The following ZC4H2 variants were observed in gnomAD, a reference collection of about 807,000 sequenced individuals.
ZC4H2 encodes zinc finger C4H2-type containing.
For synonymous variants in ZC4H2, 84 were observed against 66.3 expected (o/e 1.27, Z -1.30); for missense variants, 137 against 173.9 (o/e 0.79, Z 1.19).
chrX:64,918,855 G>A (rs892848944), intron 4 of ZC4H2, 187 bp downstream of exon 4: 2 of 426,029 alleles, frequency 4.7e-6, no homozygotes, highest in African/African-American at 2.6e-5. Context: ...GGAACATGGG[G>A]CAACAAAACC....
intron 1 of ZC4H2, among the ~76,000 whole-genome samples, chrX:64,942,489 A>ACC (rs1930335361): frequency 2.3e-5 from 1 of 43,617 alleles, no homozygotes; most frequent in African/African-American, 8.6e-5. Flanking sequence ...TTGCCCCCCC[A>ACC]CCCCCCAACA....
intron 1 of ZC4H2, among the ~76,000 whole-genome samples, chrX:64,984,558 G>A (rs1932142985): frequency 9.0e-6 from 1 of 111,126 alleles, no homozygotes; most frequent in South Asian, 3.8e-4. Context: ...TACTTCTCTG[G>A]GTGGCCCAGC....
intron 1 of ZC4H2, among the ~76,000 whole-genome samples, chrX:65,011,968 C>A (rs1245031108): frequency 9.1e-6 from 1 of 109,756 alleles, no homozygotes; most frequent in Non-Finnish European, 1.9e-5. Context: ...CCTGCCTCAG[C>A]CTCCCAAAGT....
At position 64,952,785 on chromosome X, in the gene ZC4H2, C is replaced by T. The variant is rs1219521602; in HGVS notation, c.53+23540G>A. The stretch of plus-strand genomic sequence containing the variant: ...TTCAATGTCATCCCCATCAAGTTAC[C>T]AATGACTTTCTTCACAGAATTGGAA... On this transcript the variant is annotated intron_variant, in intron 1 of 4. Coordinates refer to ENST00000374839, the MANE Select transcript of ZC4H2 (RefSeq NM_018684.4). Among the ~76,000 whole-genome samples, 23 of 109,606 alleles carry T rather than the reference C, an allele frequency of 2.1e-4. No individual in the cohort carries two copies. The Admixed American group carries it at 2.2e-3, about 11-fold the overall frequency.
At chrX:64,959,160 A>C (rs369385074) in intron 1 of ZC4H2, among the ~76,000 whole-genome samples, 3 of 109,742 alleles carry the variant, frequency 2.7e-5, no homozygotes, top group African/African-American at 1.0e-4. Context: ...AAATGTGTAC[A>C]CAACAGTGGG....
chrX:65,006,407 T>C (rs1932659843), intron 1 of ZC4H2, among the ~76,000 whole-genome samples: 1 of 110,959 alleles, frequency 9.0e-6, no homozygotes, highest in Non-Finnish European at 1.9e-5. Flanking sequence ...ATGTCCTTTG[T>C]AGGGACATGG....
At position 64,982,373 on chromosome X, in the gene ZC4H2, C is replaced by T. The variant is rs930940134; in HGVS notation, c.-272+52256G>A. Among the ~76,000 whole-genome samples, 3 of 111,956 alleles carry T rather than the reference C, an allele frequency of 2.7e-5. No homozygotes were observed. The Admixed American group carries it at 2.8e-4, about 11-fold the overall frequency. The stretch of plus-strand genomic sequence containing the variant: ...AACTACTCATAGGGCCCTTGTCCCC[C>T]TCACAGAGCTGTTTAATGATTAAAT... On this transcript the variant is annotated intron_variant, in intron 1 of 4. Coordinates refer to the ZC4H2 transcript ENST00000337990.
At chrX:64,970,284 A>G (rs190698596) in intron 1 of ZC4H2, among the ~76,000 whole-genome samples, 52 of 112,045 alleles carry the variant, frequency 4.6e-4, no homozygotes, top group African/African-American at 1.6e-3. Context: ...TCTCAATACC[A>G]AATGCCAACA....
intron 1 of ZC4H2, among the ~76,000 whole-genome samples, chrX:65,007,787 C>T (rs1438190605): frequency 8.9e-6 from 1 of 111,813 alleles, no homozygotes; most frequent in Non-Finnish European, 1.9e-5. Flanking sequence ...TATCTCTCAC[C>T]ATATACAAGA....
chrX:64,944,172 G>A lies in ZC4H2; in HGVS notation c.54-22184C>T, dbSNP rs1487411603. On this transcript the variant is annotated intron_variant, in intron 1 of 4. Coordinates refer to ENST00000374839, the MANE Select transcript of ZC4H2 (RefSeq NM_018684.4). ...TTTTTTTTTTTTGAGATGGAGTCTC[G>A]CTCTGTTGCCCAGGCTGGAGTGCAG... is the stretch of plus-strand genomic sequence containing the variant. Among the ~76,000 whole-genome samples, 4 of 89,517 alleles carry A rather than the reference G, an allele frequency of 4.5e-5. No homozygotes were observed. The East Asian group carries it at 1.0e-3, about 23-fold the overall frequency. The allele number at this position is 89,517 out of a possible 115,157, so 77.7% of individuals were successfully genotyped here.
intron 1 of ZC4H2, among the ~76,000 whole-genome samples, chrX:65,015,926 T>C (rs1320914136): frequency 9.0e-6 from 1 of 110,876 alleles, no homozygotes; most frequent in Non-Finnish European, 1.9e-5. Context: ...CCCTCTATTA[T>C]GCAGAACACT....
At chrX:65,011,721 TTTG>T (rs1158004515) in intron 1 of ZC4H2, among the ~76,000 whole-genome samples, 5 of 108,899 alleles carry the variant, frequency 4.6e-5, no homozygotes, top group South Asian at 8.2e-4. Context: ...TGTATTTTTT[TTTG>T]TTGTTGTTGT....
chrX:64,946,342 T>C (rs150962191), intron 1 of ZC4H2, among the ~76,000 whole-genome samples: 101 of 111,095 alleles, frequency 9.1e-4, no homozygotes, highest in African/African-American at 3.0e-3. Flanking sequence ...TTCCCTTGGC[T>C]AGAACAGGGA....
rs1014990768 is a variant in ZC4H2 at position 64,943,655 on chromosome X, C to CT, written c.54-21668dup. 2.0e-3 allele frequency among the ~76,000 whole-genome samples: 218 copies of CT among 109,237 alleles called. 1 individual carries two copies. The highest frequency in any genetic ancestry group is 4.7e-3 in the Middle Eastern group (1 of 214). 94.9% of individuals were successfully genotyped at this position (109,237 alleles called of 115,157 possible). A position where few individuals can be genotyped will look rare whatever the true frequency, so the allele number is the denominator to read the frequency against. ...TCAGAAACTAGGATTGCAGCCCCTG[C>CT]TTTTTTTTTGCTTTCCATTTGCTTG... On this transcript the variant is annotated intron_variant, in intron 1 of 4. Transcript: ENST00000374839.
At position 64,917,739 on chromosome X, in the gene ZC4H2, G is replaced by T; in HGVS notation, c.*44C>A. 8.4e-7 allele frequency: 1 copy of T among 1,190,851 alleles called. No individual in the cohort carries two copies. The highest frequency in any genetic ancestry group is 1.8e-5 in the South Asian group (1 of 54,228). On this transcript the variant is annotated 3_prime_UTR_variant, in exon 5 of 5. Coordinates refer to ENST00000374839, the MANE Select transcript of ZC4H2 (RefSeq NM_018684.4). ...CAGGACATCAATGACTCTGGTCAAG[G>T]TGAGGGGTTATAATTAGCAAAGCTT... is the stretch of plus-strand genomic sequence containing the variant.
chrX:64,986,537 G>A lies in ZC4H2; in HGVS notation c.-272+48092C>T, dbSNP rs762765667. On this transcript the variant is annotated intron_variant, in intron 1 of 4. Transcript: ENST00000337990. Reference sequence around the variant, plus strand: ...GTTCAGGAAGCCAGTGGAGTATGACGTAAATTAGTAGGGGCATCCCAAGAG... The same window carrying A: ...GTTCAGGAAGCCAGTGGAGTATGACATAAATTAGTAGGGGCATCCCAAGAG... Among the ~76,000 whole-genome samples the A allele has an allele frequency of 7.1e-5, 8 of 112,042 alleles. No homozygotes were observed. In the South Asian group the frequency reaches 2.3e-3, roughly 32 times the overall value.
At chrX:64,947,990 T>C (rs1442493788) in intron 1 of ZC4H2, among the ~76,000 whole-genome samples, 1 of 111,661 alleles carries the variant, frequency 9.0e-6, no homozygotes, top group African/African-American at 3.3e-5. Context: ...GCTGATTTTT[T>C]TCTTTTAACA....
intron 1 of ZC4H2, among the ~76,000 whole-genome samples, chrX:64,948,397 G>A (rs992748390): frequency 8.1e-5 from 9 of 111,477 alleles, no homozygotes; most frequent in Non-Finnish European, 1.1e-4. Context: ...GGATTTTTAC[G>A]TTCTACCCCT....
At chrX:64,987,711 C>A (rs1371992543) in intron 1 of ZC4H2, among the ~76,000 whole-genome samples, 3 of 107,763 alleles carry the variant, frequency 2.8e-5, no homozygotes, top group Non-Finnish European at 5.8e-5. Flanking sequence ...GGACTCATCT[C>A]AAAATTATCA....
Sources: allele counts gnomAD v4.1 joint callset (sites outside exome capture counted in the v4.1 genomes callset), GRCh38; gene constraint gnomAD v4.1.1; transcripts MANE v1.5; gene names NCBI Gene and HGNC (gene_info 2026-07-23, HGNC 2026-07-21).